The following UTP25 variants were observed in gnomAD, a reference collection of about 807,000 sequenced individuals.
The protein encoded by UTP25 is U3 small nucleolar RNA-associated protein 25 homolog.
UTP25 carries 50 observed loss-of-function variants against 78.9 expected under a neutral mutation model. The ratio of observed to expected loss-of-function variants is 0.63; its 90% CI spans 0.50 to 0.80. The LOEUF is 0.80. Ranked by LOEUF, UTP25 falls within the 30% of genes least tolerant of loss-of-function variation. The probability of loss-of-function intolerance (pLI) is 0.00; values close to 1 mark genes in which losing one functional copy is unlikely to be tolerated. For synonymous variants in UTP25, 329 were observed against 336.5 expected (o/e 0.98, Z 0.24); for missense variants, 846 against 911.3 (o/e 0.93, Z 0.92).
intron 3 of UTP25, among the ~76,000 whole-genome samples, chr1:209,831,827 T>C (rs893075007): frequency 1.3e-5 from 2 of 152,212 alleles, no homozygotes; most frequent in Admixed American, 6.5e-5. Context: ...GTATGACTCC[T>C]TTTGTGTCTA....
chr1:209,842,130 A>C (rs2078170324), intron 8 of UTP25, 135 bp from the exon 9 acceptor site: 1 of 918,894 alleles, frequency 1.1e-6, no homozygotes, highest in East Asian at 2.7e-5. Flanking sequence ...TCACTCACCC[A>C]TGTGAGCCTC....
intron 11 of UTP25, among the ~76,000 whole-genome samples, chr1:209,850,655 G>A (rs1168623258): frequency 1.3e-5 from 2 of 152,186 alleles, no homozygotes; most frequent in Non-Finnish European, 2.9e-5. Context: ...GAAACTAATT[G>A]CTTTCTCATG....
intron 11 of UTP25, among the ~76,000 whole-genome samples, chr1:209,846,670 C>G (rs2078198435): frequency 6.6e-6 from 1 of 152,142 alleles, no homozygotes; most frequent in South Asian, 2.1e-4. Flanking sequence ...GTAGGAGTCA[C>G]TGAAAACAAA....
At chr1:209,840,727 A>C in intron 7 of UTP25, 126 bp from the exon 8 acceptor site, 1 of 861,408 alleles carries the variant, frequency 1.2e-6, no homozygotes, top group Non-Finnish European at 1.9e-6. Context: ...AGTTGAGCAC[A>C]GTTACATGCT....
At position 209,851,621 on chromosome 1, in the gene UTP25, A is replaced by C; in HGVS notation, c.*174A>C. Reference sequence around the variant, plus strand: ...CAGGTCATGTGTCCCTGAAAAGTTAAATGTAAACCAGATTTTGGTAAATCC... The same window carrying C: ...CAGGTCATGTGTCCCTGAAAAGTTACATGTAAACCAGATTTTGGTAAATCC... On this transcript the variant is annotated 3_prime_UTR_variant, in exon 12 of 12. Transcript: ENST00000491415. 1.2e-6 allele frequency: 1 copy of C among 800,512 alleles called. No individual in the cohort carries two copies. The highest frequency in any genetic ancestry group is 1.8e-6 in the Non-Finnish European group (1 of 561,774). The allele number at this position is 800,512 out of a possible 1,614,324, so 49.6% of individuals were successfully genotyped here.
chr1:209,844,737 A>T (rs866235148), intron 11 of UTP25: 12 of 151,738 alleles, frequency 7.9e-5, no homozygotes, highest in African/African-American at 2.9e-4. Context: ...CCTAGAGCTC[A>T]TGTATTTTAT....
Position 209,842,664 on chromosome 1 carries a change from G to T in UTP25, c.1750G>T (p.Ala584Ser). The change falls in exon 10 of 12, where the codon GCT becomes TCT. Residue 584 changes from alanine (A) to serine (S), a missense_variant. Physicochemically the swap from Ala to Ser is moderately conservative, Grantham distance 99. Coordinates refer to ENST00000491415, the MANE Select transcript of UTP25 (RefSeq NM_014388.7). ...QLPHVFQRME[A>S]ENLASVIDAR... ...CCCACATGTCTTCCAGAGGATGGAA[G>T]CTGAAAACCTAGCTTCAGTGATTGA... 6.2e-7 allele frequency: 1 copy of T among 1,613,134 alleles called. No individual in the cohort carries two copies. The highest frequency in any genetic ancestry group is 8.5e-7 in the Non-Finnish European group (1 of 1,179,742).
intron 11 of UTP25, chr1:209,844,058 C>T: frequency 4.8e-6 from 1 of 209,408 alleles, no homozygotes; most frequent in Non-Finnish European, 9.7e-6. Context: ...TAGACTTTTT[C>T]CCTCTGTTTG....
Position 209,841,158 on chromosome 1 carries a change from C to T in UTP25, c.1485+103C>T, listed in dbSNP as rs1351820319. The T allele has an allele frequency of 4.7e-6, 6 of 1,270,124 alleles. No homozygotes were observed. The Admixed American group carries it at 1.3e-4, about 27-fold the overall frequency. 78.7% of individuals were successfully genotyped at this position (1,270,124 alleles called of 1,614,324 possible). On this transcript the variant is annotated intron_variant, in intron 8 of 11. Transcript: ENST00000491415. ...AGAATTATTTAAGTCCAGATTAGAA[C>T]TCTTGTTTGGAAGCAAGGACACACA...
Position 209,840,862 on chromosome 1 carries a change from T to A in UTP25, c.1292T>A (p.Ile431Lys). Reference sequence around the variant, plus strand: ...TGGCTGTTTTGTGTAGGAGTGGCAATACTTCAGAGAAGCATCCGACTCTAT... The same window carrying A: ...TGGCTGTTTTGTGTAGGAGTGGCAAAACTTCAGAGAAGCATCCGACTCTAT... ...IDDHFRIGVAILQRSIRLYAP... is the reference protein window; with the variant it reads ...IDDHFRIGVAKLQRSIRLYAP... Residue 431 changes from isoleucine (I) to lysine (K), a missense_variant, in exon 8 of 12, where the codon ATA becomes AAA. By Grantham distance (102) the Ile-to-Lys change is moderately radical. Coordinates refer to ENST00000491415, the MANE Select transcript of UTP25 (RefSeq NM_014388.7). 6.2e-7 allele frequency: 1 copy of A among 1,612,274 alleles called. No homozygotes were observed. The highest frequency in any genetic ancestry group is 8.5e-7 in the Non-Finnish European group (1 of 1,179,808).
At chr1:209,843,887 T>C (rs2078181422) in intron 11 of UTP25, 191 bp downstream of exon 11, 1 of 700,892 alleles carries the variant, frequency 1.4e-6, no homozygotes, top group African/African-American at 1.8e-5. Context: ...TCTCCCAAAA[T>C]GGGCATTGCT....
chr1:209,849,022 C>T (rs904766226), intron 11 of UTP25, among the ~76,000 whole-genome samples: 4 of 152,026 alleles, frequency 2.6e-5, no homozygotes, highest in African/African-American at 4.8e-5. Context: ...GTCCTGATTG[C>T]TCAGCTGTCA....
chr1:209,834,788 T>C (rs982049218), intron 4 of UTP25, among the ~76,000 whole-genome samples: 5 of 152,202 alleles, frequency 3.3e-5, no homozygotes, highest in African/African-American at 1.2e-4. Flanking sequence ...AGTCCAGAAA[T>C]GATAACGGAG....
chr1:209,843,869 G>A (rs940920467), intron 11 of UTP25, 173 bp downstream of exon 11: 7 of 873,480 alleles, frequency 8.0e-6, no homozygotes, highest in Non-Finnish European at 1.2e-5. Flanking sequence ...TGGTTGGTTA[G>A]TTGGTTTTCT....
intron 1 of UTP25, 142 bp from the exon 2 acceptor site, chr1:209,829,966 T>A: frequency 1.5e-6 from 1 of 651,188 alleles, no homozygotes; most frequent in East Asian, 2.9e-5. Context: ...CCTGCCCAAG[T>A]GCATGTGTAA....
chr1:209,841,158 C>G, intron 8 of UTP25, 103 bp downstream of exon 8: 1 of 1,270,124 alleles, frequency 7.9e-7, no homozygotes, highest in Middle Eastern at 2.4e-4. Context: ...CAGATTAGAA[C>G]TCTTGTTTGG....
intron 5 of UTP25, among the ~76,000 whole-genome samples, chr1:209,836,223 T>C (rs2078132273): frequency 6.6e-6 from 1 of 152,260 alleles, no homozygotes; most frequent in African/African-American, 2.4e-5. Flanking sequence ...GTAATTTATT[T>C]CTTTTTATTG....
In UTP25 at chr1:209,851,251, C is replaced by T. The variant is rs757374229; in HGVS notation, c.2075C>T (p.Thr692Ile). ...AACCTGATTTTCTATGAACTGCCGA[C>T]ATATCCACACTTTTACAGTGAAATC... is the stretch of plus-strand genomic sequence containing the variant. ...IRNLIFYELP[T>I]YPHFYSEICN... Residue 692 changes from threonine (T) to isoleucine (I), a missense_variant, in exon 12 of 12, where the codon ACA (threonine) becomes ATA (isoleucine). Transcript: ENST00000491415. The T allele has an allele frequency of 2.2e-5, 36 of 1,614,034 alleles. No homozygotes were observed. The highest frequency in any genetic ancestry group is 3.0e-5 in the Non-Finnish European group (35 of 1,180,042).
Position 209,851,252 on chromosome 1 carries a change from A to T in UTP25, c.2076A>T (p.Thr692=). The change falls in exon 12 of 12, where the codon ACA becomes ACT. Residue 692 remains threonine (T), a synonymous_variant. Coordinates refer to ENST00000491415, the MANE Select transcript of UTP25 (RefSeq NM_014388.7). ...IRNLIFYELP[T]YPHFYSEICN... is the part of the protein sequence containing the mutation. ...ACCTGATTTTCTATGAACTGCCGAC[A>T]TATCCACACTTTTACAGTGAAATCT... 6.2e-7 allele frequency: 1 copy of T among 1,614,188 alleles called. No homozygotes were observed. The highest frequency in any genetic ancestry group is 8.5e-7 in the Non-Finnish European group (1 of 1,180,034).
Sources: gnomAD v4.1 joint callset for allele counts (sites outside exome capture counted in the v4.1 genomes callset) on GRCh38, gnomAD v4.1.1 for gene constraint, MANE v1.5 for transcripts, NCBI Gene and HGNC (gene_info 2026-07-23, HGNC 2026-07-21) for gene names.